The following KLF7 variants were observed in gnomAD, a reference collection of about 807,000 sequenced individuals.
KLF7 encodes the protein KLF transcription factor 7.
In KLF7, 2 loss-of-function variants were observed where a neutral mutation model predicts 27.3. The observed-to-expected ratio is 0.07, with a 90% CI of 0.03 to 0.23. The LOEUF is 0.23. Among genes scored for constraint, KLF7 ranks in the 10% least tolerant of loss-of-function variants. The pLI, the probability that KLF7 is intolerant of heterozygous loss-of-function variation, is 1.00. For synonymous variants in KLF7, 165 were observed against 162.4 expected (o/e 1.02, Z -0.12); for missense variants, 221 against 394.1 (o/e 0.56, Z 3.72).
intron 2 of KLF7, among the ~76,000 whole-genome samples, chr2:207,098,968 GA>G (rs773925839): frequency 2.0e-5 from 3 of 151,186 alleles, no homozygotes; most frequent in Admixed American, 6.6e-5. Flanking sequence ...AGAATGAAGA[GA>G]AAAAAAATCA....
At chr2:207,166,041 AC>A (rs1559176554), upstream of KLF7, 9 of 182,176 alleles carry the variant, frequency 4.9e-5, no homozygotes, top group Admixed American at 3.4e-4. Flanking sequence ...TTCCCTCCCC[AC>A]CCCCCACCCC....
chr2:207,120,196 C>T (rs913829664), intron 2 of KLF7, among the ~76,000 whole-genome samples: 1 of 152,154 alleles, frequency 6.6e-6, no homozygotes, highest in Non-Finnish European at 1.5e-5. Flanking sequence ...AAAAAATCAC[C>T]TCATTGCCTA....
chr2:207,172,274 A>T, the KLF7 span, among the ~76,000 whole-genome samples: 1 of 152,134 alleles, frequency 6.6e-6, no homozygotes, highest in African/African-American at 2.4e-5. Flanking sequence ...GGCCAAAGAG[A>T]ATCTGAACAA....
In KLF7 at chr2:207,118,263, C is replaced by T. The variant is rs181146245; in HGVS notation, c.733+5511G>A. On this transcript the variant is annotated intron_variant, in intron 2 of 3. Transcript: ENST00000309446. ...GAGACTGGCATGTCTCTCTTTAACA[C>T]TAACATTAAAAAAAGTGAAAATAGT... Among the ~76,000 whole-genome samples, 214 of 152,140 alleles carry T rather than the reference C, an allele frequency of 1.4e-3. 1 individual carries two copies. The highest frequency in any genetic ancestry group is 4.8e-3 in the African/African-American group (201 of 41,488).
chr2:207,159,770 C>T lies in KLF7; in HGVS notation c.102+5697G>A, dbSNP rs139944314. On this transcript the variant is annotated intron_variant, in intron 1 of 3. Coordinates refer to ENST00000309446, the MANE Select transcript of KLF7 (RefSeq NM_003709.4). ...ACTCAGATCTCAAGGCTACTGCAAA[C>T]GCTCAGCTGTAACATTTATATATCA... 4.0e-3 allele frequency among the ~76,000 whole-genome samples: 610 copies of T among 152,226 alleles called. 10 individuals carry two copies. The highest frequency in any genetic ancestry group is 0.039 in the East Asian group (204 of 5,176).
chr2:207,082,886 CCT>C (rs368630476), intron 3 of KLF7, among the ~76,000 whole-genome samples: 67 of 152,184 alleles, frequency 4.4e-4, no homozygotes, highest in South Asian at 2.9e-3. Context: ...CTCCACACCC[CCT>C]GTTTGTGTCC....
At position 207,075,871 on chromosome 2, in the gene KLF7, A is replaced by G. The variant is rs1485780287; in HGVS notation, c.*5342T>C. ...GAAATGCATGCTGGGAAGAAAAAACAAAAAGGTTGAGAACCAGCCAATAAG... is the reference window on the plus strand; with the variant it reads ...GAAATGCATGCTGGGAAGAAAAAACGAAAAGGTTGAGAACCAGCCAATAAG... On this transcript the variant is annotated 3_prime_UTR_variant, in exon 4 of 4. Transcript: ENST00000309446. 6.6e-6 allele frequency: 1 copy of G among 152,166 alleles called. No individual in the cohort carries two copies. The highest frequency in any genetic ancestry group is 1.5e-5 in the Non-Finnish European group (1 of 68,032). 9.4% of individuals were successfully genotyped at this position (152,166 alleles called of 1,614,324 possible). A position where few individuals can be genotyped will look rare whatever the true frequency, so the allele number is the denominator to read the frequency against.
Position 207,075,473 on chromosome 2 carries a change from G to C in KLF7, c.*5740C>G, listed in dbSNP as rs1405479095. 1 of 151,964 alleles carries C rather than the reference G, an allele frequency of 6.6e-6. No individual in the cohort carries two copies. The highest frequency in any genetic ancestry group is 1.5e-5 in the Non-Finnish European group (1 of 68,004). The allele number at this position is 151,964 out of a possible 1,614,324, so 9.4% of individuals were successfully genotyped here. On this transcript the variant is annotated 3_prime_UTR_variant, in exon 4 of 4. Transcript: ENST00000309446. ...CAGAGAAGGCCTGAGAGAATGTGAC[G>C]GGGGGAGGCGGGGAAGGAGACGGGG...
chr2:207,162,810 A>T (rs1461540832), intron 1 of KLF7, among the ~76,000 whole-genome samples: 1 of 152,218 alleles, frequency 6.6e-6, no homozygotes, highest in Non-Finnish European at 1.5e-5. Context: ...AGATTATCAG[A>T]GTCTCCACAT....
chr2:207,172,292 T>G, the KLF7 span, among the ~76,000 whole-genome samples: 3 of 152,310 alleles, frequency 2.0e-5, no homozygotes, highest in South Asian at 6.2e-4. Context: ...CAAACAGGCC[T>G]TGTTAAGTTT....
Position 207,074,141 on chromosome 2 carries a change from T to TA in KLF7, c.*7071dup, listed in dbSNP as rs1197270854. ...ATTCAGTCACACTAGCCACGGTTTC[T>TA]AAAGTAAACATTTATTGGAAAGTTT... On this transcript the variant is annotated 3_prime_UTR_variant, in exon 4 of 4. Coordinates refer to ENST00000309446, the MANE Select transcript of KLF7 (RefSeq NM_003709.4). 6.6e-6 allele frequency: 1 copy of TA among 152,212 alleles called. No homozygotes were observed. Among genetic ancestry groups the TA allele is most frequent in the Admixed American group, 6.5e-5 (1 of 15,284 alleles). The allele number at this position is 152,212 out of a possible 1,614,324, so 9.4% of individuals were successfully genotyped here.
chr2:207,092,933 C>G lies in KLF7; in HGVS notation c.734-4352G>C, dbSNP rs1331157239. On this transcript the variant is annotated intron_variant, in intron 2 of 3. Transcript: ENST00000309446. ...CTTCAAAAAGACTGTGTTGCACAACCCTACTTCTGGCCACTGCCCTGTAGG... is the reference window on the plus strand; with the variant it reads ...CTTCAAAAAGACTGTGTTGCACAACGCTACTTCTGGCCACTGCCCTGTAGG... Among the ~76,000 whole-genome samples, 10 of 152,092 alleles carry G rather than the reference C, an allele frequency of 6.6e-5. No homozygotes were observed. The East Asian group carries it at 1.5e-3, about 23-fold the overall frequency.
intron 1 of KLF7, among the ~76,000 whole-genome samples, chr2:207,129,681 C>T (rs899368071): frequency 1.3e-5 from 2 of 152,166 alleles, no homozygotes; most frequent in African/African-American, 4.8e-5. Flanking sequence ...AGACTTTAAA[C>T]CTATTACTGC....
At chr2:207,122,728 T>C (rs2077372579) in intron 2 of KLF7, among the ~76,000 whole-genome samples, 1 of 152,190 alleles carries the variant, frequency 6.6e-6, no homozygotes, top group African/African-American at 2.4e-5. Context: ...CAAACACTTT[T>C]CCTAGCTCAT....
chr2:207,152,994 A>G (rs2078285578), intron 1 of KLF7, among the ~76,000 whole-genome samples: 1 of 152,218 alleles, frequency 6.6e-6, no homozygotes, highest in African/African-American at 2.4e-5. Flanking sequence ...CACATCTTCA[A>G]GCCAGTTCAG....
chr2:207,159,123 A>C (rs2078469010), intron 1 of KLF7, among the ~76,000 whole-genome samples: 2 of 152,254 alleles, frequency 1.3e-5, no homozygotes, highest in African/African-American at 4.8e-5. Flanking sequence ...AATGACCCTC[A>C]GGAAATGTCA....
At position 207,080,729 on chromosome 2, in the gene KLF7, T is replaced by C. The variant is rs2076251051; in HGVS notation, c.*484A>G. ...TCTAGGTCATTTTCCCCCAACTATT[T>C]AAAAAGAAACATTAGTGCTACACAT... On this transcript the variant is annotated 3_prime_UTR_variant, in exon 4 of 4. Coordinates refer to ENST00000309446, the MANE Select transcript of KLF7 (RefSeq NM_003709.4). The C allele has an allele frequency of 7.5e-6, 3 of 398,080 alleles. No homozygotes were observed. Among genetic ancestry groups the C allele is most frequent in the Admixed American group, 8.8e-5 (2 of 22,724 alleles). The allele number at this position is 398,080 out of a possible 1,614,324, so 24.7% of individuals were successfully genotyped here.
intron 1 of KLF7, among the ~76,000 whole-genome samples, chr2:207,157,993 C>T (rs2078437544): frequency 1.3e-5 from 2 of 151,760 alleles, no homozygotes; most frequent in African/African-American, 4.8e-5. Context: ...CCCCAAAGCC[C>T]ATCTTGCTTG....
At chr2:207,124,427 G>C (rs148680881) in intron 1 of KLF7, 23 bp from the exon 2 acceptor site, 7 of 1,534,914 alleles carry the variant, frequency 4.6e-6, no homozygotes, top group Non-Finnish European at 6.1e-6. Context: ...GAAGGAGGGA[G>C]AGAAACAGCC....
Sources: gnomAD v4.1 joint callset for allele counts (sites outside exome capture counted in the v4.1 genomes callset) on GRCh38, gnomAD v4.1.1 for gene constraint, MANE v1.5 for transcripts, NCBI Gene and HGNC (gene_info 2026-07-23, HGNC 2026-07-21) for gene names.